Variants in CLIC6 observed in about 807,000 individuals in gnomAD.
CLIC6 encodes the protein CLIC family member 6.
Under a neutral mutation model 49.2 loss-of-function variants are expected in CLIC6, and 39 were observed. The ratio of observed to expected loss-of-function variants is 0.79; its 90% CI spans 0.61 to 1.04. CLIC6 has a LOEUF of 1.04. CLIC6 is among the 50% of genes least tolerant of loss of function. CLIC6 has a pLI of 0.00. For synonymous variants in CLIC6, 446 were observed against 433.4 expected (o/e 1.03, Z -0.36); for missense variants, 988 against 993.1 (o/e 0.99, Z 0.07).
chr21:34,669,438 C>G lies in CLIC6; in HGVS notation c.50C>G (p.Pro17Arg), dbSNP rs1989480053. 8.1e-7 allele frequency: 1 copy of G among 1,234,398 alleles called. No homozygotes were observed. The highest frequency in any genetic ancestry group is 4.0e-5 in the South Asian group (1 of 24,776). The allele number at this position is 1,234,398 out of a possible 1,614,324, so 76.5% of individuals were successfully genotyped here. Residue 17 changes from proline to arginine, a missense_variant, in exon 1 of 6, where the codon CCG becomes CGG. Coordinates refer to ENST00000349499, the MANE Select transcript of CLIC6 (RefSeq NM_053277.3). ...GGGGTTGCCCCGGGTCCCCAGGGGC[C>G]GCCGGAGGTCCCCGCGCCTCTGGCT... ...PEGVAPGPQG[P>R]PEVPAPLAER...
chr21:34,712,268 A>C (rs2056061825), intron 5 of CLIC6, among the ~76,000 whole-genome samples: 1 of 152,240 alleles, frequency 6.6e-6, no homozygotes, highest in East Asian at 1.9e-4. Context: ...TGAGAGTGTG[A>C]AGGGATTTAT....
chr21:34,699,090 C>G (rs1990141151), intron 1 of CLIC6, among the ~76,000 whole-genome samples: 1 of 152,168 alleles, frequency 6.6e-6, no homozygotes, highest in South Asian at 2.1e-4. Flanking sequence ...GGTTATTTAG[C>G]ATCTCTGAAG....
chr21:34,711,939 G>A (rs2056059294), intron 5 of CLIC6, among the ~76,000 whole-genome samples: 1 of 152,142 alleles, frequency 6.6e-6, no homozygotes, highest in Non-Finnish European at 1.5e-5. Flanking sequence ...GTCCCTTTTG[G>A]TAAATGCTTT....
rs1601287757 is a variant in CLIC6 at position 34,709,686 on chromosome 21, C to A, written c.1899+148C>A. 5.7e-6 allele frequency: 4 copies of A among 698,874 alleles called. No individual in the cohort carries two copies. The East Asian group carries it at 1.1e-4, about 19-fold the overall frequency. 43.3% of individuals were successfully genotyped at this position (698,874 alleles called of 1,614,324 possible). A position where few individuals can be genotyped will look rare whatever the true frequency, so the allele number is the denominator to read the frequency against. ...ACTAGTTCTGTTCGGGGCAGCCAAGCCCCAGCTTTCACACACACAGAAGAT... is the reference window on the plus strand; with the variant it reads ...ACTAGTTCTGTTCGGGGCAGCCAAGACCCAGCTTTCACACACACAGAAGAT... On this transcript the variant is annotated intron_variant, in intron 5 of 5. Coordinates refer to ENST00000349499, the MANE Select transcript of CLIC6 (RefSeq NM_053277.3).
chr21:34,704,312 T>G (rs2055999830), intron 1 of CLIC6, among the ~76,000 whole-genome samples: 1 of 152,102 alleles, frequency 6.6e-6, no homozygotes, highest in South Asian at 2.1e-4. Flanking sequence ...TGAAGCACAT[T>G]AAAGTAATAA....
At chr21:34,706,799 C>T (rs2056017780) in intron 1 of CLIC6, among the ~76,000 whole-genome samples, 1 of 152,322 alleles carries the variant, frequency 6.6e-6, no homozygotes, top group African/African-American at 2.4e-5. Context: ...GGAAATACTA[C>T]ACTGACACAA....
intron 1 of CLIC6, among the ~76,000 whole-genome samples, chr21:34,705,833 C>T (rs1454956916): frequency 2.0e-5 from 3 of 152,188 alleles, no homozygotes; most frequent in Admixed American, 2.0e-4. Flanking sequence ...CTGGTAGCAT[C>T]AGCCTTATCT....
At chr21:34,671,616 A>T (rs969243308) in intron 1 of CLIC6, among the ~76,000 whole-genome samples, 3 of 152,206 alleles carry the variant, frequency 2.0e-5, no homozygotes, top group Non-Finnish European at 4.4e-5. Context: ...ATCTTTGTTT[A>T]AAAAGCCTTT....
At position 34,716,461 on chromosome 21, in the gene CLIC6, T is replaced by A. The variant is rs183771003; in HGVS notation, c.2040T>A (p.Asp680Glu). 3.0e-4 allele frequency: 491 copies of A among 1,610,932 alleles called. 3 individuals are homozygous for A. Among genetic ancestry groups the A allele is most frequent in the African/African-American group, 4.0e-5 (3 of 74,908 alleles). ...AAGAGATTGAACACGCATATTCAGA[T>A]GTTGCAAAAAGAATGAAATGAAGCT... Reference protein sequence around the residue: ...ADQEIEHAYSDVAKRMK With the variant: ...ADQEIEHAYSEVAKRMK The change falls in exon 6 of 6, where the codon GAT (aspartate) becomes GAA (glutamate). Residue 680 changes from aspartate to glutamate, a missense_variant. By Grantham distance (45) the Asp-to-Glu change is conservative (BLOSUM62 2). Around this residue, in one of 3 missense-constraint regions of CLIC6, gnomAD observed 647 missense variants for 596.9 expected, o/e 1.08. Coordinates refer to ENST00000349499, the MANE Select transcript of CLIC6 (RefSeq NM_053277.3).
At chr21:34,694,522 G>A (rs1385453301) in intron 1 of CLIC6, among the ~76,000 whole-genome samples, 2 of 152,052 alleles carry the variant, frequency 1.3e-5, no homozygotes, top group Non-Finnish European at 2.9e-5. Context: ...ATGTTGCCCA[G>A]GCTGAAATCT....
At chr21:34,679,511 A>T (rs1989736369) in intron 1 of CLIC6, among the ~76,000 whole-genome samples, 1 of 152,178 alleles carries the variant, frequency 6.6e-6, no homozygotes, top group Non-Finnish European at 1.5e-5. Flanking sequence ...CCCCTCCAAC[A>T]GTCTCCCCAA....
intron 5 of CLIC6, among the ~76,000 whole-genome samples, chr21:34,712,887 TAACC>T (rs2056065965): frequency 6.6e-6 from 1 of 152,004 alleles, no homozygotes; most frequent in African/African-American, 2.4e-5. Context: ...ACCCTAACCC[TAACC>T]GTAACTCTAA....
intron 1 of CLIC6, among the ~76,000 whole-genome samples, chr21:34,690,861 C>CAAAAAAA (rs33931156): frequency 1.0e-5 from 1 of 99,672 alleles, no homozygotes; most frequent in African/African-American, 4.0e-5. Context: ...TAATACATGT[C>CAAAAAAA]AAAAAAAAAA....
At position 34,669,668 on chromosome 21, in the gene CLIC6, G is replaced by C; in HGVS notation, c.280G>C (p.Glu94Gln). Residue 94 changes from glutamate (E) to glutamine (Q), a missense_variant, in exon 1 of 6, where the codon GAG becomes CAG. This residue lies in a region of CLIC6 where 284 missense variants were observed against 278.6 expected (regional missense o/e 1.02). Transcript: ENST00000349499. ...EAEEGAPEGA[E>Q]VPQGGEETSG... is the part of the protein sequence containing the mutation. Reference sequence around the variant, plus strand: ...CGAGGAGGGAGCCCCGGAGGGTGCCGAGGTGCCCCAAGGAGGGGAGGAGAC... The same window carrying C: ...CGAGGAGGGAGCCCCGGAGGGTGCCCAGGTGCCCCAAGGAGGGGAGGAGAC... 2.2e-6 allele frequency: 3 copies of C among 1,346,156 alleles called. No individual in the cohort carries two copies. Among genetic ancestry groups the C allele is most frequent in the Non-Finnish European group, 2.8e-6 (3 of 1,055,080 alleles). The allele number at this position is 1,346,156 out of a possible 1,614,324, so 83.4% of individuals were successfully genotyped here. A position where few individuals can be genotyped will look rare whatever the true frequency, so the allele number is the denominator to read the frequency against.
intron 5 of CLIC6, among the ~76,000 whole-genome samples, chr21:34,715,815 G>A (rs752730996): frequency 6.6e-6 from 1 of 152,210 alleles, no homozygotes. Context: ...CGGGCCCCAC[G>A]ATCAGACGAT....
chr21:34,706,751 C>G (rs1158137081), intron 1 of CLIC6, among the ~76,000 whole-genome samples: 2 of 152,152 alleles, frequency 1.3e-5, no homozygotes, highest in Non-Finnish European at 2.9e-5. Context: ...TGTATAATAG[C>G]TAATTCTTTT....
At chr21:34,711,632 T>A (rs1232192590) in intron 5 of CLIC6, among the ~76,000 whole-genome samples, 1 of 152,172 alleles carries the variant, frequency 6.6e-6, no homozygotes, top group Non-Finnish European at 1.5e-5. Flanking sequence ...CGGCCACCCC[T>A]GGTGACTCTG....
In CLIC6 at chr21:34,670,219, G is replaced by A; in HGVS notation, c.831G>A (p.Gly277=). 4 of 1,417,688 alleles carry A rather than the reference G, an allele frequency of 2.8e-6. No homozygotes were observed. Among genetic ancestry groups the A allele is most frequent in the Non-Finnish European group, 3.7e-6 (4 of 1,093,948 alleles). The allele number at this position is 1,417,688 out of a possible 1,614,324, so 87.8% of individuals were successfully genotyped here. The change falls in exon 1 of 6, where the codon GGG becomes GGA. Residue 277 remains glycine (G), a synonymous_variant. Coordinates refer to ENST00000349499, the MANE Select transcript of CLIC6 (RefSeq NM_053277.3). ...GCGTAGAAGCCGAAGGCCCGGCGGGGGACAGCATGGACGCCGAGGGTCCGG... is the reference window on the plus strand; with the variant it reads ...GCGTAGAAGCCGAAGGCCCGGCGGGAGACAGCATGGACGCCGAGGGTCCGG... ...GDSVEAEGPA[G]DSMDAEGPAG...
intron 1 of CLIC6, among the ~76,000 whole-genome samples, chr21:34,692,529 A>G (rs982692436): frequency 6.6e-6 from 1 of 152,238 alleles, no homozygotes; most frequent in Non-Finnish European, 1.5e-5. Context: ...TCTAAAATCT[A>G]TATTGGCTCT....
Sources: allele counts gnomAD v4.1 joint callset (sites outside exome capture counted in the v4.1 genomes callset), GRCh38; gene constraint gnomAD v4.1.1; regional missense constraint gnomAD v4.1.1; transcripts MANE v1.5; gene names NCBI Gene and HGNC (gene_info 2026-07-23, HGNC 2026-07-21).